Variants in PPP2R2B observed in about 807,000 individuals in gnomAD.
PPP2R2B encodes the protein protein phosphatase 2 regulatory subunit Bbeta.
PPP2R2B carries 5 observed loss-of-function variants against 46.0 expected under a neutral mutation model. The ratio of observed to expected loss-of-function variants is 0.11; its 90% CI spans 0.06 to 0.23. The LOEUF is 0.23. Among genes scored for constraint, PPP2R2B ranks in the 10% least tolerant of loss-of-function variants. The probability of loss-of-function intolerance (pLI) is 1.00; values close to 1 mark genes in which losing one functional copy is unlikely to be tolerated. For missense variants in PPP2R2B, 367 were observed against 575.0 expected (o/e 0.64, Z 3.70); for synonymous variants, 215 against 206.7 (o/e 1.04, Z -0.34).
chr5:147,015,508 C>A (rs1162839679), intron 1 of PPP2R2B, among the ~76,000 whole-genome samples: 1 of 151,532 alleles, frequency 6.6e-6, no homozygotes, highest in Admixed American at 6.6e-5. Context: ...ATGCCTAAAT[C>A]AAAAGCCATC....
chr5:146,687,952 A>G (rs1778613476), intron 5 of PPP2R2B, among the ~76,000 whole-genome samples: 1 of 152,232 alleles, frequency 6.6e-6, no homozygotes, highest in Non-Finnish European at 1.5e-5. Flanking sequence ...AATTGCTGGC[A>G]ATGCACATTT....
At chr5:147,009,056 AC>A (rs1375873541) in intron 1 of PPP2R2B, among the ~76,000 whole-genome samples, 1 of 152,168 alleles carries the variant, frequency 6.6e-6, no homozygotes, top group East Asian at 1.9e-4. Flanking sequence ...TTGCTGCATT[AC>A]TTTTAGAAAG....
At chr5:147,073,170 G>T (rs1201188847) in intron 2 of PPP2R2B, among the ~76,000 whole-genome samples, 2 of 152,194 alleles carry the variant, frequency 1.3e-5, no homozygotes, top group Admixed American at 6.5e-5. Context: ...CATTTAAAGT[G>T]ATTGGCATTA....
intron 2 of PPP2R2B, among the ~76,000 whole-genome samples, chr5:146,762,088 CCACT>C (rs1249197857): frequency 6.6e-6 from 1 of 152,098 alleles, no homozygotes; most frequent in Non-Finnish European, 1.5e-5. Context: ...CTCCAAATGG[CCACT>C]CAAACATAAT....
chr5:146,974,518 G>T (rs1752807457), intron 1 of PPP2R2B, among the ~76,000 whole-genome samples: 1 of 152,074 alleles, frequency 6.6e-6, no homozygotes, highest in African/African-American at 2.4e-5. Flanking sequence ...TACAACTCAG[G>T]CAACTGTCAC....
intron 1 of PPP2R2B, among the ~76,000 whole-genome samples, chr5:146,943,319 A>C (rs955864554): frequency 6.6e-6 from 1 of 152,176 alleles, no homozygotes; most frequent in African/African-American, 2.4e-5. Context: ...AGTTTCATTT[A>C]ATCAAAGGCC....
chr5:147,040,576 C>T (rs1381636317), intron 1 of PPP2R2B: 18 of 298,132 alleles, frequency 6.0e-5, no homozygotes, highest in South Asian at 5.4e-4. Context: ...TGTCCCAAAT[C>T]CCCCGCCCTG....
intron 2 of PPP2R2B, among the ~76,000 whole-genome samples, chr5:146,791,811 C>A (rs1756219345): frequency 6.6e-6 from 1 of 152,182 alleles, no homozygotes; most frequent in Non-Finnish European, 1.5e-5. Flanking sequence ...TGTCTCCCAG[C>A]AACCCATTCT....
chr5:146,788,058 G>C (rs1227681305), intron 2 of PPP2R2B, among the ~76,000 whole-genome samples: 2 of 152,098 alleles, frequency 1.3e-5, no homozygotes, highest in Non-Finnish European at 2.9e-5. Flanking sequence ...GTGGAAGCCT[G>C]ATTTTCCAGC....
chr5:147,030,450 GA>G, intron 1 of PPP2R2B, among the ~76,000 whole-genome samples: 1 of 152,046 alleles, frequency 6.6e-6, no homozygotes, highest in Middle Eastern at 3.4e-3. Flanking sequence ...CTTGCTGAGA[GA>G]TTTTTTTTCA....
chr5:147,051,856 G>A (rs1422380435), intron 1 of PPP2R2B, among the ~76,000 whole-genome samples: 14 of 138,224 alleles, frequency 1.0e-4, no homozygotes, highest in African/African-American at 3.1e-4. Flanking sequence ...TCTGCCTCCC[G>A]GGTTCAAGCA....
At chr5:146,765,638 C>T (rs1375404533) in intron 2 of PPP2R2B, among the ~76,000 whole-genome samples, 1 of 152,246 alleles carries the variant, frequency 6.6e-6, no homozygotes, top group Non-Finnish European at 1.5e-5. Flanking sequence ...ATCTACTACA[C>T]TGGCTCAAAT....
At chr5:146,850,071 C>A (rs548740498) in intron 2 of PPP2R2B, among the ~76,000 whole-genome samples, 1 of 152,174 alleles carries the variant, frequency 6.6e-6, no homozygotes, top group Non-Finnish European at 1.5e-5. Context: ...TCTAATGTGA[C>A]ACTCTGCATT....
chr5:146,856,468 G>T, intron 2 of PPP2R2B: 1 of 1,486,650 alleles, frequency 6.7e-7, no homozygotes, highest in Non-Finnish European at 9.4e-7. Flanking sequence ...ACTTTATCAA[G>T]AAGAGTAGGT....
intron 1 of PPP2R2B, among the ~76,000 whole-genome samples, chr5:147,034,625 C>G (rs1462590283): frequency 1.3e-5 from 2 of 152,124 alleles, no homozygotes; most frequent in Non-Finnish European, 2.9e-5. Flanking sequence ...TATACCCTGT[C>G]TCTTCTTATA....
chr5:146,668,256 T>C (rs1777132163), intron 5 of PPP2R2B, among the ~76,000 whole-genome samples: 1 of 152,352 alleles, frequency 6.6e-6, no homozygotes, highest in South Asian at 2.1e-4. Flanking sequence ...ATTTTGTAAC[T>C]TGAGCTCCTA....
intron 1 of PPP2R2B, among the ~76,000 whole-genome samples, chr5:147,042,428 A>G (rs1257060373): frequency 2.0e-5 from 3 of 152,154 alleles, no homozygotes; most frequent in Non-Finnish European, 2.9e-5. Context: ...TAAAAATGCC[A>G]TAGGACTACC....
At chr5:147,027,638 A>AAAAC (rs976989675) in intron 1 of PPP2R2B, among the ~76,000 whole-genome samples, 3 of 151,664 alleles carry the variant, frequency 2.0e-5, no homozygotes, top group African/African-American at 7.3e-5. Flanking sequence ...CGGTCTCAAA[A>AAAAC]AAAAAAAAAA....
At chr5:146,936,996 A>G (rs1582460286) in intron 1 of PPP2R2B, among the ~76,000 whole-genome samples, 1 of 152,164 alleles carries the variant, frequency 6.6e-6, no homozygotes, top group East Asian at 1.9e-4. Context: ...GGATAAAACA[A>G]TTGAGATTTA....
Sources: gnomAD v4.1 joint callset for allele counts (sites outside exome capture counted in the v4.1 genomes callset) on GRCh38, gnomAD v4.1.1 for gene constraint, MANE v1.5 for transcripts, NCBI Gene and HGNC (gene_info 2026-07-23, HGNC 2026-07-21) for gene names.